Variants in CARMIL1 observed in about 807,000 individuals in gnomAD.
CARMIL1 encodes capping protein regulator and myosin 1 linker 1.
In CARMIL1, 90 loss-of-function variants were observed where a neutral mutation model predicts 177.1. That is an observed-to-expected ratio of 0.51 (90% confidence interval 0.43 to 0.61). CARMIL1 has a LOEUF of 0.61. CARMIL1 is among the 20% of genes least tolerant of loss of function. The pLI is 0.00. For synonymous variants in CARMIL1, 577 were observed against 606.2 expected (o/e 0.95, Z 0.71); for missense variants, 1,380 against 1,667.0 (o/e 0.83, Z 3.00).
Position 25,566,646 on chromosome 6 carries a change from G to A in CARMIL1, c.2742+9796G>A, listed in dbSNP as rs184071081. 1.4e-4 allele frequency among the ~76,000 whole-genome samples: 21 copies of A among 152,320 alleles called. No homozygotes were observed. The East Asian group carries it at 3.7e-3, about 27-fold the overall frequency. On this transcript the variant is annotated intron_variant, in intron 29 of 36. Transcript: ENST00000329474. ...GAAGGTATAAGCTTCTGGCAGGCCAGGACTTTGTGCTGTTGACCACATATC... is the reference window on the plus strand; with the variant it reads ...GAAGGTATAAGCTTCTGGCAGGCCAAGACTTTGTGCTGTTGACCACATATC...
intron 4 of CARMIL1, among the ~76,000 whole-genome samples, chr6:25,434,239 TTTATTTTTAGG>T: frequency 6.6e-6 from 1 of 152,092 alleles, no homozygotes. Flanking sequence ...AATGGCATCT[TTTATTTTTAGG>T]TAGTTGAAGT....
chr6:25,528,729 C>T, intron 23 of CARMIL1, 66 bp from the exon 24 acceptor site: 1 of 1,193,840 alleles, frequency 8.4e-7, no homozygotes, highest in Non-Finnish European at 1.2e-6. Flanking sequence ...CTGACTGTTT[C>T]ACTTATACTT....
chr6:25,323,319 C>T (rs1784821489), intron 2 of CARMIL1, among the ~76,000 whole-genome samples: 1 of 151,030 alleles, frequency 6.6e-6, no homozygotes, highest in Non-Finnish European at 1.5e-5. Context: ...CACAGTGGCT[C>T]ACGCCTGTAA....
intron 2 of CARMIL1, among the ~76,000 whole-genome samples, chr6:25,356,834 C>T (rs1291399204): frequency 6.6e-6 from 1 of 152,226 alleles, no homozygotes; most frequent in Non-Finnish European, 1.5e-5. Context: ...CCCTGGCAGT[C>T]TGTGGTCTGT....
intron 2 of CARMIL1, among the ~76,000 whole-genome samples, chr6:25,340,582 A>G (rs2223438): frequency 0.43 from 65,022 of 151,698 alleles, 14,143 homozygotes; most frequent in African/African-American, 0.51. Flanking sequence ...TCCATAATGT[A>G]AGATTGAACC....
At chr6:25,450,960 TC>T (rs1798821142) in intron 8 of CARMIL1, among the ~76,000 whole-genome samples, 1 of 12,470 alleles carries the variant, frequency 8.0e-5, no homozygotes, top group Non-Finnish European at 1.7e-4. Flanking sequence ...TCCTCTCCTC[TC>T]CTCTCTTCTC....
chr6:25,327,134 TA>T (rs1318233940), intron 2 of CARMIL1, among the ~76,000 whole-genome samples: 2 of 140,606 alleles, frequency 1.4e-5, no homozygotes, highest in Non-Finnish European at 3.0e-5. Context: ...AGGGAGTATT[TA>T]AAGCAATTGA....
intron 26 of CARMIL1, among the ~76,000 whole-genome samples, chr6:25,547,020 T>C (rs1322717938): frequency 6.6e-6 from 1 of 152,104 alleles, no homozygotes; most frequent in African/African-American, 2.4e-5. Flanking sequence ...ACGGCACCAC[T>C]GCACTCCAGC....
chr6:25,294,904 TCCTGTGGATTGTG>T (rs2150154008), intron 2 of CARMIL1, among the ~76,000 whole-genome samples: 1 of 152,318 alleles, frequency 6.6e-6, no homozygotes, highest in East Asian at 1.9e-4. Context: ...TTTAATGGGC[TCCTGTGGATTGTG>T]CCTTTTGAAG....
At chr6:25,468,266 TA>T (rs950240866) in intron 9 of CARMIL1, among the ~76,000 whole-genome samples, 1 of 151,866 alleles carries the variant, frequency 6.6e-6, no homozygotes, top group African/African-American at 2.4e-5. Context: ...CTTGATTCAT[TA>T]AAAAAAACAG....
chr6:25,506,420 C>G (rs1243429396), intron 17 of CARMIL1, among the ~76,000 whole-genome samples: 1 of 152,206 alleles, frequency 6.6e-6, no homozygotes, highest in Non-Finnish European at 1.5e-5. Context: ...GTAGTGCACG[C>G]CTGTAATCCC....
intron 10 of CARMIL1, 116 bp from the exon 11 acceptor site, chr6:25,472,311 C>T (rs1801159822): frequency 2.9e-6 from 2 of 689,716 alleles, no homozygotes; most frequent in Non-Finnish European, 5.0e-6. Context: ...GCTATATAGA[C>T]TAATATTGTA....
Position 25,450,688 on chromosome 6 carries a change from A to C in CARMIL1, c.591A>C (p.Gln197His). 2 of 1,606,776 alleles carry C rather than the reference A, an allele frequency of 1.2e-6. No individual in the cohort carries two copies. Among genetic ancestry groups the C allele is most frequent in the Non-Finnish European group, 1.7e-6 (2 of 1,175,928 alleles). The stretch of plus-strand genomic sequence containing the variant: ...AAGACACCAGGGAATTGAATTTACA[A>C]GATTTTAGTCATCTTGACCACAGGT... ...LTQDTRELNL[Q>H]DFSHLDHRDL... The change falls in exon 8 of 37, where the codon CAA (glutamine) becomes CAC (histidine). Residue 197 changes from glutamine to histidine, a missense_variant. Gln to His is a conservative substitution (Grantham distance 24). Coordinates refer to ENST00000329474, the MANE Select transcript of CARMIL1 (RefSeq NM_017640.6).
Position 25,500,208 on chromosome 6 carries a change from G to T in CARMIL1, c.1368G>T (p.Gly456=), listed in dbSNP as rs1231571760. 3.4e-5 allele frequency: 55 copies of T among 1,613,706 alleles called. No individual in the cohort carries two copies. Among genetic ancestry groups the T allele is most frequent in the Non-Finnish European group, 4.7e-5 (55 of 1,179,862 alleles). ...LGLACNHNLK[G]VSLDLSNCEL... is the part of the protein sequence containing the mutation. ...TGGCTTGTAATCATAACTTGAAAGG[G>T]GTTTCTCTGGATCTCAGCAACTGTG... The change falls in exon 17 of 37, where the codon GGG becomes GGT. Residue 456 remains glycine, a synonymous_variant. Coordinates refer to ENST00000329474, the MANE Select transcript of CARMIL1 (RefSeq NM_017640.6).
At chr6:25,488,372 G>C in intron 12 of CARMIL1, 110 bp from the exon 13 acceptor site, 1 of 814,708 alleles carries the variant, frequency 1.2e-6, no homozygotes, top group Non-Finnish European at 2.2e-6. Context: ...AGTGCTCATG[G>C]TTAACCTCAG....
At position 25,426,439 on chromosome 6, in the gene CARMIL1, T is replaced by C. The variant is rs1796284123; in HGVS notation, c.190-62T>C. The C allele has an allele frequency of 2.4e-6, 3 of 1,247,102 alleles. No individual in the cohort carries two copies. In the Admixed American group the frequency reaches 6.0e-5, roughly 25 times the overall value. 77.3% of individuals were successfully genotyped at this position (1,247,102 alleles called of 1,614,324 possible). A position where few individuals can be genotyped will look rare whatever the true frequency, so the allele number is the denominator to read the frequency against. ...TTTTTTTTTTTTTTTTACCTTAAGTTATATGTTTTTTTAAAACCCTCATTG... is the reference window on the plus strand; with the variant it reads ...TTTTTTTTTTTTTTTTACCTTAAGTCATATGTTTTTTTAAAACCCTCATTG... On this transcript the variant is annotated intron_variant, in intron 3 of 36. Coordinates refer to ENST00000329474, the MANE Select transcript of CARMIL1 (RefSeq NM_017640.6).
chr6:25,569,955 T>C (rs1257575356), intron 29 of CARMIL1, among the ~76,000 whole-genome samples: 3 of 152,186 alleles, frequency 2.0e-5, no homozygotes, highest in African/African-American at 7.2e-5. Flanking sequence ...TGCTTACTAC[T>C]GCAATAAAGT....
At chr6:25,393,066 A>C (rs760423787) in intron 2 of CARMIL1, among the ~76,000 whole-genome samples, 13 of 152,250 alleles carry the variant, frequency 8.5e-5, no homozygotes, top group Admixed American at 4.6e-4. Context: ...TGAGTGATTT[A>C]ATTATTCTGG....
At chr6:25,466,865 G>A (rs763317944) in intron 9 of CARMIL1, among the ~76,000 whole-genome samples, 11 of 152,112 alleles carry the variant, frequency 7.2e-5, no homozygotes, top group Non-Finnish European at 1.6e-4. Context: ...AGAGGAAAAT[G>A]CATGAACTTG....
Sources: gnomAD v4.1 joint callset for allele counts (sites outside exome capture counted in the v4.1 genomes callset) on GRCh38, gnomAD v4.1.1 for gene constraint, MANE v1.5 for transcripts, NCBI Gene and HGNC (gene_info 2026-07-23, HGNC 2026-07-21) for gene names.